The following BMPR1B variants were observed in gnomAD, a reference collection of about 807,000 sequenced individuals.
BMPR1B encodes bone morphogenetic protein receptor type 1B, also known as bone morphogenetic protein receptor type-1B.
In BMPR1B, 12 loss-of-function variants were observed where a neutral mutation model predicts 59.1. That is an observed-to-expected ratio of 0.20 (90% CI 0.13 to 0.33). BMPR1B has a LOEUF of 0.33. Among genes scored for constraint, BMPR1B ranks in the 10% least tolerant of loss-of-function variants. The pLI is 1.00. For missense variants in BMPR1B, 550 were observed against 610.9 expected (o/e 0.90, Z 1.05); for synonymous variants, 237 against 207.3 (o/e 1.14, Z -1.23).
At chr4:94,811,655 A>T (rs1031855594) in intron 1 of BMPR1B, among the ~76,000 whole-genome samples, 3 of 152,138 alleles carry the variant, frequency 2.0e-5, no homozygotes, top group Non-Finnish European at 4.4e-5. Context: ...TCCGGAGTTT[A>T]AGTTCTAAGT....
At chr4:95,129,280 C>CA (rs1163930872) in intron 8 of BMPR1B, among the ~76,000 whole-genome samples, 4 of 152,112 alleles carry the variant, frequency 2.6e-5, no homozygotes, top group African/African-American at 9.7e-5. Flanking sequence ...TTAAAGGAGT[C>CA]AGAGTTTAAA....
chr4:95,113,516 C>T (rs1395233098), intron 4 of BMPR1B, among the ~76,000 whole-genome samples: 1 of 152,142 alleles, frequency 6.6e-6, no homozygotes, highest in African/African-American at 2.4e-5. Flanking sequence ...GCTTTATTCC[C>T]ATGACCTTTC....
At chr4:94,866,818 A>C (rs552397789) in intron 1 of BMPR1B, among the ~76,000 whole-genome samples, 7 of 152,002 alleles carry the variant, frequency 4.6e-5, no homozygotes, top group African/African-American at 1.7e-4. Flanking sequence ...TCCTCACCTC[A>C]TGATCCGCCC....
At chr4:95,108,357 C>G (rs1399497562) in intron 4 of BMPR1B, among the ~76,000 whole-genome samples, 1 of 152,044 alleles carries the variant, frequency 6.6e-6, no homozygotes, top group African/African-American at 2.4e-5. Flanking sequence ...AAGGGCTGGT[C>G]TAAATTGTCT....
intron 10 of BMPR1B, among the ~76,000 whole-genome samples, chr4:95,132,711 T>C (rs1002274490): frequency 1.3e-5 from 2 of 152,080 alleles, no homozygotes; most frequent in East Asian, 3.9e-4. Context: ...TCTCTCTCCT[T>C]CTCTCACCCT....
intron 8 of BMPR1B, among the ~76,000 whole-genome samples, chr4:95,128,706 A>AT (rs1416824272): frequency 6.6e-6 from 1 of 152,066 alleles, no homozygotes; most frequent in Non-Finnish European, 1.5e-5. Context: ...CCTGTTTTGC[A>AT]TTTTTTATTG....
At chr4:94,879,688 G>A (rs1004528164) in intron 2 of BMPR1B, among the ~76,000 whole-genome samples, 5 of 151,930 alleles carry the variant, frequency 3.3e-5, no homozygotes, top group Admixed American at 1.3e-4. Context: ...CTGTTGTTTC[G>A]TCCAGGAGAT....
At chr4:94,766,821 A>G (rs1460893460) in intron 1 of BMPR1B, among the ~76,000 whole-genome samples, 3 of 152,062 alleles carry the variant, frequency 2.0e-5, no homozygotes, top group African/African-American at 7.2e-5. Context: ...AATATTCTCA[A>G]TCCAAGACAT....
At chr4:95,084,588 T>C (rs1451848878) in intron 3 of BMPR1B, among the ~76,000 whole-genome samples, 1 of 152,188 alleles carries the variant, frequency 6.6e-6, no homozygotes, top group Non-Finnish European at 1.5e-5. Context: ...GCCACTACTT[T>C]GTGTGCATGA....
chr4:94,940,880 G>T (rs1249169483), intron 2 of BMPR1B, among the ~76,000 whole-genome samples: 3 of 151,692 alleles, frequency 2.0e-5, no homozygotes, highest in African/African-American at 7.3e-5. Context: ...TCTGCTTCTG[G>T]TTTTCTAATC....
At chr4:95,115,505 GAT>G (rs1481570107) in intron 5 of BMPR1B, among the ~76,000 whole-genome samples, 178 bp from the exon 6 acceptor site, 2 of 152,146 alleles carry the variant, frequency 1.3e-5, no homozygotes, top group Non-Finnish European at 2.9e-5. Flanking sequence ...GTTGCAATAA[GAT>G]AATACATGGT....
At chr4:95,000,457 G>C (rs1822827) in intron 3 of BMPR1B, among the ~76,000 whole-genome samples, 36,104 of 151,648 alleles carry the variant, frequency 0.24, 5,388 homozygotes, top group African/African-American at 0.43. Flanking sequence ...AGTGAGCCAA[G>C]ATCACCCCAC....
At chr4:95,120,525 C>G (rs1208800238) in intron 6 of BMPR1B, among the ~76,000 whole-genome samples, 3 of 152,086 alleles carry the variant, frequency 2.0e-5, no homozygotes, top group Non-Finnish European at 4.4e-5. Context: ...AAGACTCCAT[C>G]AAAAGACTAC....
chr4:95,127,167 T>G (rs1732968125), intron 8 of BMPR1B, among the ~76,000 whole-genome samples: 1 of 152,066 alleles, frequency 6.6e-6, no homozygotes, highest in South Asian at 2.1e-4. Context: ...TATAGTGATC[T>G]TTTTGAAAGT....
At chr4:95,022,043 A>T (rs941527396) in intron 3 of BMPR1B, among the ~76,000 whole-genome samples, 1 of 152,212 alleles carries the variant, frequency 6.6e-6, no homozygotes, top group Non-Finnish European at 1.5e-5. Flanking sequence ...GGAGAGAAGA[A>T]ATAGGACGGG....
intron 10 of BMPR1B, among the ~76,000 whole-genome samples, chr4:95,143,455 C>G (rs1734400933): frequency 1.3e-5 from 2 of 152,132 alleles, no homozygotes; most frequent in Admixed American, 1.3e-4. Context: ...TTGTCTCTCT[C>G]TCTCTCAAAG....
intron 2 of BMPR1B, among the ~76,000 whole-genome samples, chr4:94,912,304 A>G (rs1426967728): frequency 6.6e-6 from 1 of 152,170 alleles, no homozygotes; most frequent in Non-Finnish European, 1.5e-5. Context: ...TCATTTAAGT[A>G]AAGTACAAAG....
intron 1 of BMPR1B, among the ~76,000 whole-genome samples, chr4:94,826,575 T>A (rs74596523): frequency 0.12 from 18,609 of 152,094 alleles, 1,231 homozygotes; most frequent in Non-Finnish European, 0.15. Flanking sequence ...CTTTTTTTTT[T>A]ATTCAATTAC....
intron 1 of BMPR1B, among the ~76,000 whole-genome samples, chr4:94,853,835 A>C: frequency 6.6e-6 from 1 of 152,190 alleles, no homozygotes; most frequent in East Asian, 1.9e-4. Context: ...AAAAAAACAA[A>C]TGAATAATTA....
Sources: allele counts gnomAD v4.1 joint callset (sites outside exome capture counted in the v4.1 genomes callset), GRCh38; gene constraint gnomAD v4.1.1; transcripts MANE v1.5; gene names NCBI Gene and HGNC (gene_info 2026-07-23, HGNC 2026-07-21).